PTPRD: variants seen among roughly 807,000 people sequenced by gnomAD.
PTPRD encodes the protein receptor-type tyrosine-protein phosphatase delta.
Under a neutral mutation model 214.5 loss-of-function variants are expected in PTPRD, and 34 were observed. The ratio of observed to expected loss-of-function variants is 0.16; its 90% CI spans 0.12 to 0.21. PTPRD has a LOEUF of 0.21. Ranked by LOEUF, PTPRD falls within the 10% of genes least tolerant of loss-of-function variation. PTPRD has a pLI of 1.00. For missense variants in PTPRD, 2,545 were observed against 2,398.7 expected, an observed-to-expected ratio of 1.06 and a Z score of -1.27; for synonymous variants, 1,128 against 845.7, an observed-to-expected ratio of 1.33 and a Z score of -5.79.
intron 14 of PTPRD, among the ~76,000 whole-genome samples, chr9:8,593,352 T>C (rs1249382483): frequency 2.0e-5 from 3 of 152,196 alleles, no homozygotes; most frequent in Non-Finnish European, 4.4e-5. Context: ...TTTTAATGCC[T>C]ACAGAACCAG....
intron 15 of PTPRD, 103 bp downstream of exon 15, chr9:8,528,488 A>C: frequency 9.7e-7 from 1 of 1,033,900 alleles, no homozygotes; most frequent in East Asian, 2.6e-5. Context: ...GAGAAAAATC[A>C]GTACCTAGAA....
chr9:9,210,797 A>G (rs941462339), intron 9 of PTPRD, among the ~76,000 whole-genome samples: 1 of 151,628 alleles, frequency 6.6e-6, no homozygotes, highest in African/African-American at 2.4e-5. Context: ...GAACTTACTA[A>G]TTTTGCTCCC....
intron 9 of PTPRD, among the ~76,000 whole-genome samples, chr9:9,205,320 T>C (rs188866082): frequency 6.6e-6 from 1 of 152,294 alleles, no homozygotes; most frequent in East Asian, 1.9e-4. Flanking sequence ...ACTGTAAATA[T>C]GAACTAAGTA....
At chr9:10,178,232 G>C (rs1364715202) in intron 3 of PTPRD, among the ~76,000 whole-genome samples, 2 of 151,886 alleles carry the variant, frequency 1.3e-5, no homozygotes, top group African/African-American at 2.4e-5. Flanking sequence ...TGGAAAGCTA[G>C]AGTTTTCCCT....
intron 2 of PTPRD, among the ~76,000 whole-genome samples, chr9:10,564,309 C>A (rs1361079342): frequency 6.7e-6 from 1 of 149,598 alleles, no homozygotes; most frequent in Admixed American, 6.7e-5. Context: ...GCTGCTGAGT[C>A]CAGCCTCATA....
intron 9 of PTPRD, among the ~76,000 whole-genome samples, chr9:9,367,061 AT>A (rs2058082618): frequency 6.6e-6 from 1 of 150,886 alleles, no homozygotes; most frequent in Admixed American, 6.7e-5. Context: ...AGTTTAAAAA[AT>A]AAAAACCCTT....
chr9:10,107,810 T>C (rs1299092582), intron 3 of PTPRD, among the ~76,000 whole-genome samples: 4 of 152,108 alleles, frequency 2.6e-5, no homozygotes, highest in Admixed American at 2.6e-4. Context: ...ATGATTAAAC[T>C]CATTGTCCTT....
At chr9:10,236,382 G>C (rs1174816744) in intron 3 of PTPRD, among the ~76,000 whole-genome samples, 1 of 151,890 alleles carries the variant, frequency 6.6e-6, no homozygotes, top group African/African-American at 2.4e-5. Context: ...TGACAGTTAG[G>C]CTTAAAATGG....
At chr9:9,988,291 T>G (rs375994776) in intron 4 of PTPRD, among the ~76,000 whole-genome samples, 1 of 152,312 alleles carries the variant, frequency 6.6e-6, no homozygotes, top group South Asian at 2.1e-4. Flanking sequence ...TGTTAGTTAT[T>G]TTTAATTTCT....
chr9:8,587,555 A>G (rs1022443564), intron 14 of PTPRD, among the ~76,000 whole-genome samples: 1 of 152,238 alleles, frequency 6.6e-6, no homozygotes, highest in Admixed American at 6.5e-5. Context: ...CTTCTATATA[A>G]TATTCCTTAA....
chr9:8,414,071 A>G (rs763293566), intron 35 of PTPRD, among the ~76,000 whole-genome samples: 8 of 152,230 alleles, frequency 5.3e-5, no homozygotes, highest in Non-Finnish European at 8.8e-5. Flanking sequence ...AATAGCTAAG[A>G]TACATTACAG....
At chr9:8,816,677 A>T (rs2096926141) in intron 11 of PTPRD, among the ~76,000 whole-genome samples, 1 of 152,218 alleles carries the variant, frequency 6.6e-6, no homozygotes. Context: ...TTAGAGATGG[A>T]AGAAAGGTAC....
chr9:8,982,910 T>A (rs1027113679), intron 11 of PTPRD, among the ~76,000 whole-genome samples: 1 of 152,070 alleles, frequency 6.6e-6, no homozygotes, highest in African/African-American at 2.4e-5. Flanking sequence ...GTAGCTTCCA[T>A]AAGATAATGT....
At chr9:10,298,369 C>T (rs2154404575) in intron 3 of PTPRD, among the ~76,000 whole-genome samples, 1 of 146,404 alleles carries the variant, frequency 6.8e-6, no homozygotes, top group Non-Finnish European at 1.5e-5. Context: ...ATTAGAGTTC[C>T]ATTGGTTCCA....
chr9:10,512,534 T>A (rs1288232353), intron 2 of PTPRD, among the ~76,000 whole-genome samples: 2 of 152,102 alleles, frequency 1.3e-5, no homozygotes, highest in African/African-American at 4.8e-5. Context: ...CTTAGACAAA[T>A]GATTTTTATT....
At chr9:8,545,627 T>G (rs1002203152) in intron 14 of PTPRD, among the ~76,000 whole-genome samples, 1 of 152,204 alleles carries the variant, frequency 6.6e-6, no homozygotes, top group Non-Finnish European at 1.5e-5. Flanking sequence ...TTGGTAAATA[T>G]TCTGAAGTGT....
chr9:10,125,595 C>T (rs1591785884), intron 3 of PTPRD, among the ~76,000 whole-genome samples: 1 of 150,234 alleles, frequency 6.7e-6, no homozygotes, highest in East Asian at 2.0e-4. Context: ...GCTGGGATTA[C>T]AGGCGTGCGC....
intron 2 of PTPRD, among the ~76,000 whole-genome samples, chr9:10,540,401 C>T (rs1468652469): frequency 6.6e-6 from 1 of 152,108 alleles, no homozygotes; most frequent in Non-Finnish European, 1.5e-5. Flanking sequence ...GTCCATTACC[C>T]TCAATTAGTC....
chr9:10,325,410 A>G (rs1248310364), intron 3 of PTPRD, among the ~76,000 whole-genome samples: 1 of 151,986 alleles, frequency 6.6e-6, no homozygotes, highest in Non-Finnish European at 1.5e-5. Flanking sequence ...CTGAGCAAAT[A>G]CACACTACTA....
Sources: allele counts gnomAD v4.1 joint callset (sites outside exome capture counted in the v4.1 genomes callset), GRCh38; gene constraint gnomAD v4.1.1; transcripts MANE v1.5; gene names NCBI Gene and HGNC (gene_info 2026-07-23, HGNC 2026-07-21).